Variants in SLC9A9 observed in about 807,000 individuals in gnomAD.
SLC9A9 encodes solute carrier family 9 member A9.
In SLC9A9, 62 loss-of-function variants were observed where a neutral mutation model predicts 77.8. The observed-to-expected ratio is 0.80, with a 90% CI of 0.65 to 0.98. SLC9A9 has a LOEUF of 0.98. Among genes scored for constraint, SLC9A9 ranks in the 50% least tolerant of loss-of-function variants. The pLI is 0.00. For missense variants in SLC9A9, 775 were observed against 774.9 expected, an observed-to-expected ratio of 1.00 and a Z score of 0.00; for synonymous variants, 320 against 283.5, an observed-to-expected ratio of 1.13 and a Z score of -1.29.
intron 12 of SLC9A9, among the ~76,000 whole-genome samples, chr3:143,425,951 C>G (rs1576488979): frequency 6.7e-6 from 1 of 150,248 alleles, no homozygotes; most frequent in East Asian, 2.0e-4. Flanking sequence ...CGCACCTGCT[C>G]CACACTAAAG....
chr3:143,651,267 T>C (rs1485823925), intron 6 of SLC9A9, among the ~76,000 whole-genome samples: 1 of 152,214 alleles, frequency 6.6e-6, no homozygotes, highest in Admixed American at 6.5e-5. Flanking sequence ...AAGACACTTC[T>C]CTGTGGCCAG....
At chr3:143,589,142 G>A (rs138857181) in intron 6 of SLC9A9, among the ~76,000 whole-genome samples, 4 of 152,104 alleles carry the variant, frequency 2.6e-5, no homozygotes, top group South Asian at 2.1e-4. Context: ...CTCAAAATAC[G>A]ATTCCCTGTA....
chr3:143,666,904 G>C (rs2039078956), intron 5 of SLC9A9, among the ~76,000 whole-genome samples: 1 of 152,134 alleles, frequency 6.6e-6, no homozygotes, highest in African/African-American at 2.4e-5. Context: ...TGGCCATACT[G>C]CCCAAGGTAA....
intron 12 of SLC9A9, among the ~76,000 whole-genome samples, chr3:143,410,219 G>A (rs9849797): frequency 0.83 from 126,828 of 152,128 alleles, 53,021 homozygotes; most frequent in African/African-American, 0.87. Context: ...TAAATTAAAC[G>A]GTTTTTTGCT....
intron 4 of SLC9A9, among the ~76,000 whole-genome samples, chr3:143,732,362 GGTAAA>G (rs1399014800): frequency 6.6e-6 from 1 of 152,066 alleles, no homozygotes; most frequent in Non-Finnish European, 1.5e-5. Context: ...TCTAATCATG[GGTAAA>G]GTAGAGAGTC....
intron 14 of SLC9A9, among the ~76,000 whole-genome samples, chr3:143,303,979 T>G (rs924062456): frequency 2.6e-5 from 4 of 152,198 alleles, no homozygotes; most frequent in Non-Finnish European, 5.9e-5. Context: ...AATACTCCAC[T>G]GGACATTTAC....
intron 4 of SLC9A9, among the ~76,000 whole-genome samples, chr3:143,711,641 C>T (rs1214699858): frequency 6.7e-6 from 1 of 149,092 alleles, no homozygotes; most frequent in Non-Finnish European, 1.5e-5. Context: ...GTCTTGAATT[C>T]CTAGGCTCAA....
intron 4 of SLC9A9, among the ~76,000 whole-genome samples, chr3:143,713,287 AAC>A (rs1002379745): frequency 2.6e-5 from 4 of 152,210 alleles, no homozygotes; most frequent in African/African-American, 9.6e-5. Flanking sequence ...GATCTCAGCT[AAC>A]ACAGTTTCTT....
intron 14 of SLC9A9, among the ~76,000 whole-genome samples, chr3:143,305,462 C>A (rs571479894): frequency 6.6e-6 from 1 of 152,284 alleles, no homozygotes; most frequent in Non-Finnish European, 1.5e-5. Flanking sequence ...TAAGTGGTGG[C>A]AACTAGGACT....
Position 143,382,077 on chromosome 3 carries a change from G to A in SLC9A9, c.1507C>T (p.Pro503Ser), listed in dbSNP as rs564750167. 2.5e-6 allele frequency: 4 copies of A among 1,614,006 alleles called. No homozygotes were observed. The highest frequency in any genetic ancestry group is 8.5e-7 in the Non-Finnish European group (1 of 1,179,976). Residue 503 changes from proline (P) to serine (S), a missense_variant, in exon 13 of 16, where the codon CCC becomes TCC. Coordinates refer to ENST00000316549, the MANE Select transcript of SLC9A9 (RefSeq NM_173653.4). ...VDLDENLKEDPSSQHQEANNL... is the reference protein window; with the variant it reads ...VDLDENLKEDSSSQHQEANNL... ...TGACTTGCCTGGTGTTGTGAGGAGG[G>A]GTCCTCCTTCAGATTTTCATCCAGG...
intron 1 of SLC9A9, among the ~76,000 whole-genome samples, chr3:143,842,298 G>A (rs919516933): frequency 1.3e-5 from 2 of 152,062 alleles, no homozygotes; most frequent in Admixed American, 6.5e-5. Flanking sequence ...GGAGAATGGC[G>A]TGAACCTGGG....
chr3:143,728,854 G>T (rs1179720857), intron 4 of SLC9A9, among the ~76,000 whole-genome samples: 1 of 152,038 alleles, frequency 6.6e-6, no homozygotes, highest in Admixed American at 6.6e-5. Context: ...CAACGAGATG[G>T]ATGGTGGTCC....
At chr3:143,664,269 C>A (rs1213508877) in intron 5 of SLC9A9, among the ~76,000 whole-genome samples, 1 of 152,190 alleles carries the variant, frequency 6.6e-6, no homozygotes, top group African/African-American at 2.4e-5. Context: ...CCTTTCCAGA[C>A]AAGCAAATGC....
In SLC9A9 at chr3:143,794,879, T is replaced by C. The variant is rs1163837611; in HGVS notation, c.533+122A>G. ...AATTAAGTCAGAAAAAACATACAAA[T>C]ATGTGATATACTAAAAAAAAGACAA... On this transcript the variant is annotated intron_variant, in intron 4 of 15. Transcript: ENST00000316549. 3.1e-5 allele frequency: 27 copies of C among 863,550 alleles called. 1 individual carries two copies. In the Admixed American group the frequency reaches 4.9e-4, roughly 16 times the overall value. The allele number at this position is 863,550 out of a possible 1,614,324, so 53.5% of individuals were successfully genotyped here. A position where few individuals can be genotyped will look rare whatever the true frequency, so the allele number is the denominator to read the frequency against.
At chr3:143,667,393 G>T (rs1412315067) in intron 5 of SLC9A9, among the ~76,000 whole-genome samples, 1 of 152,162 alleles carries the variant, frequency 6.6e-6, no homozygotes, top group Non-Finnish European at 1.5e-5. Context: ...AGAAAACCTA[G>T]GCAATACCAT....
intron 9 of SLC9A9, among the ~76,000 whole-genome samples, chr3:143,509,715 G>A (rs2036082985): frequency 1.3e-5 from 2 of 152,158 alleles, no homozygotes; most frequent in African/African-American, 4.8e-5. Flanking sequence ...ACCCTACAAA[G>A]ATCCCTGAGA....
rs566718161 is a variant in SLC9A9 at position 143,719,936 on chromosome 3, A to G, written c.534-26629T>C. Reference sequence around the variant, plus strand: ...AGCTTCCTCCTGGAAAACTGCTCCCACGATTGCTCCCACTATTGAGTAAAT... The same window carrying G: ...AGCTTCCTCCTGGAAAACTGCTCCCGCGATTGCTCCCACTATTGAGTAAAT... On this transcript the variant is annotated intron_variant, in intron 4 of 15. Transcript: ENST00000316549. 1.2e-4 allele frequency among the ~76,000 whole-genome samples: 19 copies of G among 152,228 alleles called. No homozygotes were observed. In the South Asian group the frequency reaches 3.9e-3, roughly 32 times the overall value.
intron 12 of SLC9A9, among the ~76,000 whole-genome samples, chr3:143,410,223 T>C (rs2034066532): frequency 6.6e-6 from 1 of 152,204 alleles, no homozygotes; most frequent in South Asian, 2.1e-4. Flanking sequence ...TTAAACGGTT[T>C]TTTGCTTATT....
Position 143,701,433 on chromosome 3 carries a change from C to A in SLC9A9, c.534-8126G>T, listed in dbSNP as rs572699705. Among the ~76,000 whole-genome samples the A allele has an allele frequency of 2.0e-5, 3 of 152,068 alleles. No homozygotes were observed. The South Asian group carries it at 6.2e-4, about 32-fold the overall frequency. ...TAACACAGAAAAAGAATTCAGAATTCTATCAGATAAATTTAATGAAGAGAT... is the reference window on the plus strand; with the variant it reads ...TAACACAGAAAAAGAATTCAGAATTATATCAGATAAATTTAATGAAGAGAT... On this transcript the variant is annotated intron_variant, in intron 4 of 15. Coordinates refer to ENST00000316549, the MANE Select transcript of SLC9A9 (RefSeq NM_173653.4).
Sources: allele counts gnomAD v4.1 joint callset (sites outside exome capture counted in the v4.1 genomes callset), GRCh38; gene constraint gnomAD v4.1.1; transcripts MANE v1.5; gene names NCBI Gene and HGNC (gene_info 2026-07-23, HGNC 2026-07-21).